TYK2: variants seen among roughly 807,000 people sequenced by gnomAD.
TYK2 encodes the protein tyrosine kinase 2, also known as non-receptor tyrosine-protein kinase TYK2.
Under a neutral mutation model 130.9 loss-of-function variants are expected in TYK2, and 65 were observed. The observed-to-expected ratio is 0.50, with a 90% CI of 0.41 to 0.61. TYK2 has a LOEUF of 0.61. Ranked by LOEUF, TYK2 falls within the 20% of genes least tolerant of loss-of-function variation. The pLI is 0.00. For synonymous variants in TYK2, 647 were observed against 658.9 expected (o/e 0.98, Z 0.28); for missense variants, 1,378 against 1,610.7 (o/e 0.86, Z 2.47).
chr19:10,377,730 A>T (rs1283859335), intron 3 of TYK2, among the ~76,000 whole-genome samples: 1 of 11,854 alleles, frequency 8.4e-5, no homozygotes. Context: ...GGATGGGTGG[A>T]TGGGTGGGTG....
At position 10,353,187 on chromosome 19, in the gene TYK2, G is replaced by T; in HGVS notation, c.3028-89C>A. ...ACCTGAGCAGCCAGGAGGGCTGGGG[G>T]ACAGTCAGGTCAGGCCGGTGGCTAC... is the stretch of plus-strand genomic sequence containing the variant. On this transcript the variant is annotated intron_variant, in intron 21 of 24. Coordinates refer to ENST00000525621, the MANE Select transcript of TYK2 (RefSeq NM_003331.5). The surrounding 1 kb of genome is among the most constrained non-coding windows in gnomAD (Gnocchi z 6.9). 1 of 1,240,756 alleles carries T rather than the reference G, an allele frequency of 8.1e-7. No homozygotes were observed. Among genetic ancestry groups the T allele is most frequent in the Non-Finnish European group, 1.1e-6 (1 of 933,082 alleles). 76.9% of individuals were successfully genotyped at this position (1,240,756 alleles called of 1,614,324 possible).
intron 3 of TYK2, among the ~76,000 whole-genome samples, chr19:10,372,152 A>G (rs1020216249): frequency 6.6e-6 from 1 of 150,766 alleles, no homozygotes; most frequent in African/African-American, 2.4e-5. Context: ...CACCATGCCC[A>G]GCTAATTTTT....
At chr19:10,372,458 C>CTATATATATATATATATATATATA (rs569826524) in intron 3 of TYK2, among the ~76,000 whole-genome samples, 18 of 45,976 alleles carry the variant, frequency 3.9e-4, no homozygotes, top group Non-Finnish European at 4.5e-4. Context: ...CCACACACAG[C>CTATATATATATATATATATATATA]TATATATATA....
rs1316426026 is a variant in TYK2, at chr19:10,358,126, G to C, written c.2188C>G (p.Leu730Val). 1.9e-6 allele frequency: 3 copies of C among 1,609,432 alleles called. No individual in the cohort carries two copies. The highest frequency in any genetic ancestry group is 4.5e-5 in the East Asian group (2 of 44,734). ...CGGCCACACACATTACCATGAACCA[G>C]GTTCTTGTTCTCCTGAGGTGGGCAG... is the stretch of plus-strand genomic sequence containing the variant. ...SALSYLENKN[L>V]VHGNVCGRNI... Residue 730 changes from leucine (L) to valine (V), a missense_variant, in exon 16 of 25, where the codon CTG becomes GTG. Physicochemically the swap from Leu to Val is conservative, Grantham distance 32. Transcript: ENST00000525621.
At position 10,364,137 on chromosome 19, in the gene TYK2, G is replaced by A. The variant is rs1568336344; in HGVS notation, c.1367+477C>T. The stretch of plus-strand genomic sequence containing the variant: ...GCAGAGGTGGAAGCATCCAACATAC[G>A]CCTGAATGGTCACCAGCGTCAGGGT... On this transcript the variant is annotated intron_variant, in intron 9 of 24. Coordinates refer to ENST00000525621, the MANE Select transcript of TYK2 (RefSeq NM_003331.5). This position sits in a 1 kb window ranked among gnomAD's most constrained non-coding sequence, Gnocchi z 4.9. 6.6e-6 allele frequency among the ~76,000 whole-genome samples: 1 copy of A among 152,204 alleles called. No homozygotes were observed. Among genetic ancestry groups the A allele is most frequent in the Non-Finnish European group, 1.5e-5 (1 of 68,046 alleles).
intron 2 of TYK2, among the ~76,000 whole-genome samples, chr19:10,378,704 G>C (rs2145374558): frequency 6.6e-6 from 1 of 152,318 alleles, no homozygotes; most frequent in Non-Finnish European, 1.5e-5. Flanking sequence ...GCTCTGGCCA[G>C]GTACAGTGGC....
Position 10,378,136 on chromosome 19 carries a change from G to A in TYK2, c.193+78C>T. ...TGGGTGGGTGGATGGGTGGGTGGGT[G>A]GATAGACGGATGGATGGGGCCCAGC... On this transcript the variant is annotated intron_variant, in intron 3 of 24. Transcript: ENST00000525621. The A allele has an allele frequency of 2.2e-5, 32 of 1,471,296 alleles. No individual in the cohort carries two copies. The South Asian group carries it at 3.7e-4, about 17-fold the overall frequency. The allele number at this position is 1,471,296 out of a possible 1,614,324, so 91.1% of individuals were successfully genotyped here. A position where few individuals can be genotyped will look rare whatever the true frequency, so the allele number is the denominator to read the frequency against.
At chr19:10,357,716 T>C in intron 17 of TYK2, 48 bp downstream of exon 17, 1 of 1,560,414 alleles carries the variant, frequency 6.4e-7, no homozygotes, top group Non-Finnish European at 8.7e-7. Context: ...CTGGATTTCT[T>C]GGAGGGGCCC....
intron 3 of TYK2, among the ~76,000 whole-genome samples, chr19:10,377,416 A>T (rs1248203186): frequency 1.4e-5 from 2 of 140,250 alleles, no homozygotes; most frequent in Non-Finnish European, 3.1e-5. Flanking sequence ...GGATGGATGG[A>T]TGGATGGATG....
chr19:10,350,657 T>G lies in TYK2; in HGVS notation c.*177A>C, dbSNP rs2040753458. 2 of 716,064 alleles carry G rather than the reference T, an allele frequency of 2.8e-6. No homozygotes were observed. The highest frequency in any genetic ancestry group is 4.5e-6 in the Non-Finnish European group (2 of 442,612). The allele number at this position is 716,064 out of a possible 1,614,324, so 44.4% of individuals were successfully genotyped here. The stretch of plus-strand genomic sequence containing the variant: ...GGGTCCCTCAAGATCATGGTTAGGC[T>G]CACGGCCAAGAAAGAAAAATAAGTT... On this transcript the variant is annotated 3_prime_UTR_variant, in exon 25 of 25. Coordinates refer to ENST00000525621, the MANE Select transcript of TYK2 (RefSeq NM_003331.5).
At chr19:10,371,316 T>G (rs1027061812) in intron 3 of TYK2, among the ~76,000 whole-genome samples, 14 of 151,680 alleles carry the variant, frequency 9.2e-5, no homozygotes, top group Admixed American at 3.9e-4. Context: ...GTGTTTATAA[T>G]TTTCATATCC....
At chr19:10,375,760 C>T (rs1026729836) in intron 3 of TYK2, among the ~76,000 whole-genome samples, 45 of 109,316 alleles carry the variant, frequency 4.1e-4, no homozygotes, top group African/African-American at 1.5e-3. Context: ...ACTAAAAATA[C>T]AAAAAAAAAA....
rs200791116 is a variant in TYK2 at position 10,359,248 on chromosome 19, C to G, written c.2102G>C (p.Arg701Thr). The stretch of plus-strand genomic sequence containing the variant: ...AGCCATGGGCACATGGCCCCGCTCC[C>G]TCCGCAGCCACACATCCAGGGGTCC... Reference protein sequence around the residue: ...EHGPLDVWLRRERGHVPMAWK... With the variant: ...EHGPLDVWLRTERGHVPMAWK... Residue 701 changes from arginine (R) to threonine (T), a missense_variant, in exon 15 of 25, where the codon AGG becomes ACG. Transcript: ENST00000525621. 185 of 1,611,544 alleles carry G rather than the reference C, an allele frequency of 1.1e-4. 2 individuals are homozygous for G. In the East Asian group the frequency reaches 4.0e-3, roughly 35 times the overall value.
At chr19:10,370,369 C>T (rs2041861714) in intron 3 of TYK2, among the ~76,000 whole-genome samples, 1 of 150,252 alleles carries the variant, frequency 6.7e-6, no homozygotes, top group Admixed American at 6.7e-5. Context: ...AAAAAATTGG[C>T]TGGCCATGGT....
Position 10,366,401 on chromosome 19 carries a change from C to A in TYK2, c.629+16G>T. ...TCCCCCTGCCTACACAGCGTCCCCA[C>A]CCCATTCCCAGACACCTGGTCTTCT... On this transcript the variant is annotated intron_variant, in intron 6 of 24. Coordinates refer to ENST00000525621, the MANE Select transcript of TYK2 (RefSeq NM_003331.5). 6.2e-6 allele frequency: 10 copies of A among 1,611,482 alleles called. No homozygotes were observed. Among genetic ancestry groups the A allele is most frequent in the Non-Finnish European group, 8.5e-6 (10 of 1,177,904 alleles).
At chr19:10,371,664 T>C (rs995670189) in intron 3 of TYK2, among the ~76,000 whole-genome samples, 1 of 151,596 alleles carries the variant, frequency 6.6e-6, no homozygotes, top group Non-Finnish European at 1.5e-5. Flanking sequence ...GAACTGTAAA[T>C]GTGTGGTATT....
chr19:10,354,004 C>T (rs1327938245), intron 20 of TYK2, 38 bp downstream of exon 20: 1 of 1,607,268 alleles, frequency 6.2e-7, no homozygotes, highest in Non-Finnish European at 8.5e-7. Flanking sequence ...TCTAACCACG[C>T]CCCCTCAAGT....
chr19:10,362,760 C>A, intron 9 of TYK2, 103 bp from the exon 10 acceptor site: 1 of 1,008,836 alleles, frequency 9.9e-7, no homozygotes. Context: ...ACACACACAG[C>A]TAGGACAAGT....
chr19:10,353,462 C>G lies in TYK2; in HGVS notation c.3027+66G>C, dbSNP rs12720359. ...AGCGTGAGAGCAGACTGCACCGGAT[C>G]GCTCAGGCCAGCCCAAGCTGAAGAG... On this transcript the variant is annotated intron_variant, in intron 21 of 24. Coordinates refer to ENST00000525621, the MANE Select transcript of TYK2 (RefSeq NM_003331.5). The surrounding 1 kb of genome is among the most constrained non-coding windows in gnomAD (Gnocchi z 6.9). 39,694 of 1,180,460 alleles carry G rather than the reference C, an allele frequency of 0.034. 863 individuals are homozygous for G. Among genetic ancestry groups the G allele is most frequent in the Middle Eastern group, 0.072 (321 of 4,468 alleles). The allele number at this position is 1,180,460 out of a possible 1,614,324, so 73.1% of individuals were successfully genotyped here.
Sources: allele counts gnomAD v4.1 joint callset (sites outside exome capture counted in the v4.1 genomes callset), GRCh38; gene constraint gnomAD v4.1.1; non-coding constraint Gnocchi (gnomAD v3.1); transcripts MANE v1.5; gene names NCBI Gene and HGNC (gene_info 2026-07-23, HGNC 2026-07-21).